Variants in ALK observed in about 807,000 individuals in gnomAD.
ALK encodes ALK receptor tyrosine kinase, also known as ALK tyrosine kinase receptor.
A neutral mutation model predicts 163.1 loss-of-function variants in ALK; 74 were observed. That is an observed-to-expected ratio of 0.45 (90% confidence interval 0.38 to 0.55). ALK has a LOEUF of 0.55. ALK is among the 20% of genes least tolerant of loss of function. The pLI, the probability that ALK is intolerant of heterozygous loss-of-function variation, is 0.00. For missense variants in ALK, 2,063 were observed against 2,105.3 expected (o/e 0.98, Z 0.39); for synonymous variants, 960 against 843.2 (o/e 1.14, Z -2.40).
chr2:29,492,187 A>G (rs1241278726), intron 4 of ALK, among the ~76,000 whole-genome samples: 1 of 152,200 alleles, frequency 6.6e-6, no homozygotes, highest in East Asian at 1.9e-4. Context: ...ATATTAATTG[A>G]CAACACTATA....
chr2:29,894,223 A>T (rs1023391017), intron 1 of ALK, among the ~76,000 whole-genome samples: 3 of 152,150 alleles, frequency 2.0e-5, no homozygotes, highest in Non-Finnish European at 4.4e-5. Flanking sequence ...TGCCTGGCTC[A>T]TGGTAGCCCC....
intron 4 of ALK, among the ~76,000 whole-genome samples, chr2:29,473,181 C>T (rs1671413205): frequency 6.6e-6 from 1 of 152,156 alleles, no homozygotes; most frequent in African/African-American, 2.4e-5. Context: ...AGAAGTTTGT[C>T]TTCTCTGAAT....
intron 1 of ALK, among the ~76,000 whole-genome samples, chr2:29,907,356 C>T (rs773543638): frequency 6.6e-6 from 1 of 152,148 alleles, no homozygotes; most frequent in Non-Finnish European, 1.5e-5. Flanking sequence ...ATATTTCATT[C>T]TCTTTCTCTT....
intron 4 of ALK, among the ~76,000 whole-genome samples, chr2:29,494,634 T>C (rs1407743916): frequency 6.6e-6 from 1 of 152,122 alleles, no homozygotes; most frequent in Non-Finnish European, 1.5e-5. Flanking sequence ...GCCTGGAACA[T>C]AAAGGGGTGA....
chr2:29,587,152 G>C lies in ALK; in HGVS notation c.953-55036C>G, dbSNP rs186318056. Among the ~76,000 whole-genome samples the C allele has an allele frequency of 3.7e-3, 556 of 152,308 alleles. 1 individual carries two copies. Among genetic ancestry groups the C allele is most frequent in the Middle Eastern group, 6.8e-3 (2 of 294 alleles). On this transcript the variant is annotated intron_variant, in intron 3 of 28. Coordinates refer to ENST00000389048, the MANE Select transcript of ALK (RefSeq NM_004304.5). Reference sequence around the variant, plus strand: ...GAGGGATGCTAATATATTTCCCCTTGGGGGAGGGGTAGGATATTCTCATGT... The same window carrying C: ...GAGGGATGCTAATATATTTCCCCTTCGGGGAGGGGTAGGATATTCTCATGT...
chr2:29,725,613 G>T (rs1322108245), intron 1 of ALK, among the ~76,000 whole-genome samples: 1 of 152,042 alleles, frequency 6.6e-6, no homozygotes, highest in Non-Finnish European at 1.5e-5. Context: ...TAAGTTTCAG[G>T]TCTGTTGTTT....
chr2:29,375,351 C>T (rs921422370), intron 5 of ALK, among the ~76,000 whole-genome samples: 2 of 152,100 alleles, frequency 1.3e-5, no homozygotes, highest in African/African-American at 2.4e-5. Flanking sequence ...GACGGAGTCT[C>T]GCTGTCTCCC....
chr2:29,742,068 TG>T (rs989780251), intron 1 of ALK, among the ~76,000 whole-genome samples: 2 of 152,250 alleles, frequency 1.3e-5, no homozygotes, highest in African/African-American at 4.8e-5. Flanking sequence ...TCCCTGGGAA[TG>T]GGGGCCATTT....
chr2:29,622,635 T>C (rs1676068796), intron 3 of ALK, among the ~76,000 whole-genome samples: 1 of 152,190 alleles, frequency 6.6e-6, no homozygotes, highest in South Asian at 2.1e-4. Flanking sequence ...CCAGCTTCTC[T>C]GTATGACCTG....
chr2:29,636,658 G>A (rs1676540610), intron 3 of ALK, among the ~76,000 whole-genome samples: 1 of 152,106 alleles, frequency 6.6e-6, no homozygotes, highest in African/African-American at 2.4e-5. Context: ...AGGATGAAAA[G>A]ATAAGCTGCA....
intron 3 of ALK, among the ~76,000 whole-genome samples, chr2:29,635,519 A>G (rs2148240539): frequency 6.6e-6 from 1 of 152,306 alleles, no homozygotes; most frequent in Admixed American, 6.5e-5. Flanking sequence ...CAAGGAAAGA[A>G]TTCTCCCCGA....
intron 1 of ALK, among the ~76,000 whole-genome samples, chr2:29,802,522 GGGAGA>G (rs1482822427): frequency 3.2e-4 from 2 of 6,266 alleles, no homozygotes; most frequent in Non-Finnish European, 8.4e-4. Context: ...GGGAGGGGAG[GGGAGA>G]GGAGGGGAGA....
At chr2:29,368,983 A>G (rs1392550976) in intron 5 of ALK, among the ~76,000 whole-genome samples, 2 of 152,160 alleles carry the variant, frequency 1.3e-5, no homozygotes, top group African/African-American at 4.8e-5. Context: ...AACCGCCAGC[A>G]CTCGCCATGA....
intron 4 of ALK, among the ~76,000 whole-genome samples, chr2:29,412,868 A>C (rs942673327): frequency 6.6e-6 from 1 of 152,312 alleles, no homozygotes; most frequent in African/African-American, 2.4e-5. Context: ...TCTTTAATCC[A>C]AGTTGTGAGG....
chr2:29,547,173 G>C (rs760081299), intron 3 of ALK, among the ~76,000 whole-genome samples: 2 of 152,140 alleles, frequency 1.3e-5, no homozygotes, highest in Admixed American at 6.5e-5. Context: ...TTCACTTCAG[G>C]TCTAAACTTC....
At chr2:29,849,295 C>G (rs1317757222) in intron 1 of ALK, among the ~76,000 whole-genome samples, 1 of 152,170 alleles carries the variant, frequency 6.6e-6, no homozygotes, top group Non-Finnish European at 1.5e-5. Flanking sequence ...TCAAGCCCAC[C>G]CCTGGCTTTG....
At chr2:29,287,304 C>T (rs1455939079) in intron 9 of ALK, among the ~76,000 whole-genome samples, 1 of 152,170 alleles carries the variant, frequency 6.6e-6, no homozygotes, top group Non-Finnish European at 1.5e-5. Context: ...TAATAAAATA[C>T]ATTTAGGCCA....
intron 1 of ALK, among the ~76,000 whole-genome samples, chr2:29,809,437 G>A (rs1369282146): frequency 6.6e-6 from 1 of 152,218 alleles, no homozygotes; most frequent in Non-Finnish European, 1.5e-5. Flanking sequence ...GAACAAAGGA[G>A]GATGTGAAAA....
At chr2:29,779,343 T>C (rs1015506114) in intron 1 of ALK, among the ~76,000 whole-genome samples, 1 of 152,144 alleles carries the variant, frequency 6.6e-6, no homozygotes, top group African/African-American at 2.4e-5. Context: ...AAACTGCTGT[T>C]ATGGTGGGCA....
Sources: gnomAD v4.1 joint callset for allele counts (sites outside exome capture counted in the v4.1 genomes callset) on GRCh38, gnomAD v4.1.1 for gene constraint, MANE v1.5 for transcripts, NCBI Gene and HGNC (gene_info 2026-07-23, HGNC 2026-07-21) for gene names.